The following DGKG variants were observed in gnomAD, a reference collection of about 807,000 sequenced individuals.
DGKG encodes the protein diacylglycerol kinase gamma.
DGKG carries 78 observed loss-of-function variants against 105.3 expected under a neutral mutation model. The observed-to-expected ratio is 0.74, with a 90% CI of 0.62 to 0.89. The LOEUF (loss-of-function observed/expected upper bound fraction) is 0.89, where lower values mean the gene tolerates loss of function less well. DGKG is among the 40% of genes least tolerant of loss of function. The pLI is 0.00. For synonymous variants in DGKG, 346 were observed against 367.1 expected, an observed-to-expected ratio of 0.94 and a Z score of 0.66; for missense variants, 958 against 1,020.1, an observed-to-expected ratio of 0.94 and a Z score of 0.83.
chr3:186,289,583 G>C lies in DGKG; in HGVS notation c.374-703C>G, dbSNP rs147352812. Among the ~76,000 whole-genome samples the C allele has an allele frequency of 2.6e-4, 39 of 152,246 alleles. 1 individual carries two copies. The highest frequency in any genetic ancestry group is 6.8e-3 in the Middle Eastern group (2 of 294). On this transcript the variant is annotated intron_variant, in intron 5 of 24. Transcript: ENST00000265022. Reference sequence around the variant, plus strand: ...ACTAACAAGAAAACTGGGCACCCCTGTTTTCCTGTGTGAATTCTATTTTTT... The same window carrying C: ...ACTAACAAGAAAACTGGGCACCCCTCTTTTCCTGTGTGAATTCTATTTTTT...
chr3:186,161,313 T>C (rs1716279488), intron 24 of DGKG: 17 of 1,247,378 alleles, frequency 1.4e-5, no homozygotes, highest in African/African-American at 1.5e-5. Context: ...CAGGATACAG[T>C]AGATGAAGTC....
Position 186,168,923 on chromosome 3 carries a change from C to T in DGKG, c.2096-3905G>A, listed in dbSNP as rs139804630. Among the ~76,000 whole-genome samples, 510 of 152,222 alleles carry T rather than the reference C, an allele frequency of 3.4e-3. 8 individuals carry two copies. Among genetic ancestry groups the T allele is most frequent in the East Asian group, 0.017 (88 of 5,188 alleles). On this transcript the variant is annotated intron_variant, in intron 22 of 24. Transcript: ENST00000265022. ...AGTGTGCATACTTTCACACTGAAAA[C>T]GTAAACTGATAGGAAGGAAACAATT...
At chr3:186,301,968 C>T (rs1267158645) in intron 3 of DGKG, among the ~76,000 whole-genome samples, 1 of 152,108 alleles carries the variant, frequency 6.6e-6, no homozygotes. Context: ...GTGTTCTTTC[C>T]TGAGCAACCC....
chr3:186,201,557 C>G (rs1156433036), intron 21 of DGKG, among the ~76,000 whole-genome samples: 1 of 152,174 alleles, frequency 6.6e-6, no homozygotes, highest in Non-Finnish European at 1.5e-5. Context: ...AAGATACCAC[C>G]AATAGCTTCC....
rs963035100 is a variant in DGKG at position 186,260,598 on chromosome 3, T to A, written c.1350-85A>T. Reference sequence around the variant, plus strand: ...GAGAAGTCACATTAGGGCAAACACCTCTGGAGCCCACTGGTGGCAGGGATG... The same window carrying A: ...GAGAAGTCACATTAGGGCAAACACCACTGGAGCCCACTGGTGGCAGGGATG... On this transcript the variant is annotated intron_variant, in intron 15 of 24. Coordinates refer to ENST00000265022, the MANE Select transcript of DGKG (RefSeq NM_001346.3). 12 of 1,022,054 alleles carry A rather than the reference T, an allele frequency of 1.2e-5. No individual in the cohort carries two copies. In the African/African-American group the frequency reaches 1.6e-4, roughly 13 times the overall value. 63.3% of individuals were successfully genotyped at this position (1,022,054 alleles called of 1,614,324 possible). A position where few individuals can be genotyped will look rare whatever the true frequency, so the allele number is the denominator to read the frequency against.
chr3:186,266,210 T>C (rs1301616923), intron 13 of DGKG, among the ~76,000 whole-genome samples: 1 of 152,230 alleles, frequency 6.6e-6, no homozygotes, highest in Non-Finnish European at 1.5e-5. Flanking sequence ...GCTTTTGAAT[T>C]TCATATAATG....
chr3:186,176,067 A>C (rs1717062537), intron 22 of DGKG, among the ~76,000 whole-genome samples: 1 of 152,194 alleles, frequency 6.6e-6, no homozygotes, highest in South Asian at 2.1e-4. Flanking sequence ...GTGACAGGGT[A>C]CCCGAAGGCA....
rs373079460 is a variant in DGKG, at chr3:186,194,919, C to A, written c.1918-6540G>T. Among the ~76,000 whole-genome samples, 82 of 151,328 alleles carry A rather than the reference C, an allele frequency of 5.4e-4. 2 individuals carry two copies. The South Asian group carries it at 0.016, about 30-fold the overall frequency. ...AGGAGTTCGAAACCAGCCTGGCCAA[C>A]ATGGCGAAACCCTGTCTCTACTAAA... On this transcript the variant is annotated intron_variant, in intron 21 of 24. Coordinates refer to ENST00000265022, the MANE Select transcript of DGKG (RefSeq NM_001346.3).
intron 20 of DGKG, among the ~76,000 whole-genome samples, chr3:186,214,660 G>A (rs1397671100): frequency 6.6e-6 from 1 of 152,224 alleles, no homozygotes; most frequent in East Asian, 1.9e-4. Context: ...TATCTTGACT[G>A]GTCACACAAT....
intron 1 of DGKG, among the ~76,000 whole-genome samples, chr3:186,354,038 A>T (rs1025824181): frequency 6.6e-6 from 1 of 152,126 alleles, no homozygotes; most frequent in African/African-American, 2.4e-5. Flanking sequence ...TCCACCAGTG[A>T]ATATCTTTAT....
At chr3:186,283,168 TG>T (rs940948879) in intron 7 of DGKG, among the ~76,000 whole-genome samples, 6 of 152,148 alleles carry the variant, frequency 3.9e-5, no homozygotes, top group Admixed American at 3.3e-4. Flanking sequence ...CCCAAAGTGC[TG>T]GGGTTACAGG....
At chr3:186,310,430 T>C (rs66947772) in intron 2 of DGKG, among the ~76,000 whole-genome samples, 34,949 of 152,022 alleles carry the variant, frequency 0.23, 5,733 homozygotes, top group African/African-American at 0.46. Flanking sequence ...GGGAATCAAC[T>C]TAATTCTCAA....
chr3:186,222,104 C>T (rs1050879324), intron 20 of DGKG, among the ~76,000 whole-genome samples: 1 of 152,216 alleles, frequency 6.6e-6, no homozygotes, highest in African/African-American at 2.4e-5. Context: ...TAGACTGGAA[C>T]GGGATCACAG....
Position 186,320,700 on chromosome 3 carries a change from G to T in DGKG, c.-241C>A. 2.1e-6 allele frequency: 1 copy of T among 474,916 alleles called. No individual in the cohort carries two copies. The highest frequency in any genetic ancestry group is 3.9e-5 in the Admixed American group (1 of 25,320). 29.4% of individuals were successfully genotyped at this position (474,916 alleles called of 1,614,324 possible). ...TATTCAAGGTAAATTCAGAAGTCCT[G>T]GCTCTTCCTAGATAGAAGCAGAAAA... On this transcript the variant is annotated 5_prime_UTR_variant, in exon 2 of 25. Transcript: ENST00000265022.
chr3:186,309,343 T>C (rs1342914953), intron 2 of DGKG, among the ~76,000 whole-genome samples: 1 of 152,010 alleles, frequency 6.6e-6, no homozygotes, highest in Non-Finnish European at 1.5e-5. Context: ...AACCAGAGAG[T>C]CATTTGTGGC....
intron 7 of DGKG, among the ~76,000 whole-genome samples, chr3:186,283,228 C>A (rs1037043723): frequency 6.6e-6 from 1 of 152,102 alleles, no homozygotes; most frequent in Non-Finnish European, 1.5e-5. Flanking sequence ...TCACCTATAA[C>A]GTTTAATAAG....
chr3:186,225,176 C>A (rs1719796702), intron 20 of DGKG, among the ~76,000 whole-genome samples: 1 of 151,724 alleles, frequency 6.6e-6, no homozygotes, highest in Non-Finnish European at 1.5e-5. Flanking sequence ...TTAATAGTTC[C>A]CTGTAGCTCC....
At chr3:186,324,114 A>AAG (rs1725221772) in intron 1 of DGKG, among the ~76,000 whole-genome samples, 2 of 151,098 alleles carry the variant, frequency 1.3e-5, no homozygotes, top group Non-Finnish European at 3.0e-5. Context: ...CAAAAAAAAA[A>AAG]AAAAAAAAAA....
At chr3:186,268,619 C>T (rs962625369) in intron 12 of DGKG, among the ~76,000 whole-genome samples, 182 bp downstream of exon 12, 1 of 152,210 alleles carries the variant, frequency 6.6e-6, no homozygotes, top group Admixed American at 6.5e-5. Context: ...TCTCTCTGGG[C>T]AGCTTGGTAA....
Sources: gnomAD v4.1 joint callset for allele counts (sites outside exome capture counted in the v4.1 genomes callset) on GRCh38, gnomAD v4.1.1 for gene constraint, MANE v1.5 for transcripts, NCBI Gene and HGNC (gene_info 2026-07-23, HGNC 2026-07-21) for gene names.